GALNS: variants seen among roughly 807,000 people sequenced by gnomAD.
The protein encoded by GALNS is N-acetylgalactosamine-6-sulfatase.
In GALNS, 65 loss-of-function variants were observed where a neutral mutation model predicts 65.9. The observed-to-expected ratio is 0.99, with a 90% confidence interval of 0.81 to 1.21. The LOEUF (loss-of-function observed/expected upper bound fraction) is 1.21. GALNS is among the 50% of genes most tolerant of loss of function. The probability of loss-of-function intolerance (pLI) is 0.00; values close to 1 mark genes in which losing one functional copy is unlikely to be tolerated. For synonymous variants in GALNS, 346 were observed against 288.9 expected (o/e 1.20, Z -2.00); for missense variants, 776 against 700.7 (o/e 1.11, Z -1.21).
chr16:88,840,896 C>A, intron 4 of GALNS, 96 bp downstream of exon 4: 3 of 958,878 alleles, frequency 3.1e-6, no homozygotes, highest in African/African-American at 1.6e-5. Flanking sequence ...CCCAAGACAC[C>A]CTCCTCATTT....
At chr16:88,842,422 A>C in intron 2 of GALNS, 1 of 545,982 alleles carries the variant, frequency 1.8e-6, no homozygotes, top group Non-Finnish European at 3.3e-6. Context: ...ACACTGCAGC[A>C]CCTCTCCCCA....
intron 5 of GALNS, among the ~76,000 whole-genome samples, chr16:88,836,497 T>A (rs967041954): frequency 6.6e-6 from 1 of 151,976 alleles, no homozygotes; most frequent in Non-Finnish European, 1.5e-5. Context: ...CTACTAAAAA[T>A]ACAAAAATTA....
intron 13 of GALNS, chr16:88,816,399 G>T: frequency 1.0e-6 from 1 of 985,430 alleles, no homozygotes; most frequent in Non-Finnish European, 1.2e-6. Flanking sequence ...AGACTCAGGG[G>T]TCCTGAGACA....
At chr16:88,815,018 C>G in intron 13 of GALNS, 1 of 985,166 alleles carries the variant, frequency 1.0e-6, no homozygotes, top group Non-Finnish European at 1.2e-6. Context: ...TAGGCGTGAG[C>G]CACCGCGCTT....
intron 2 of GALNS, chr16:88,842,483 A>G: frequency 1.7e-6 from 1 of 604,896 alleles, no homozygotes; most frequent in Non-Finnish European, 2.9e-6. Flanking sequence ...CACCAACAAT[A>G]CCGCAACTTC....
chr16:88,834,186 G>C (rs533515603), intron 8 of GALNS, among the ~76,000 whole-genome samples: 12 of 152,262 alleles, frequency 7.9e-5, no homozygotes, highest in Non-Finnish European at 1.2e-4. Context: ...GGGACGTGGC[G>C]CGAGGGAGCC....
chr16:88,837,829 G>A (rs1912302013), intron 4 of GALNS, 64 bp from the exon 5 acceptor site: 1 of 1,552,158 alleles, frequency 6.4e-7, no homozygotes, highest in African/African-American at 1.4e-5. Flanking sequence ...GTTCTGAGCA[G>A]CAACAGATAC....
rs1257058740 is a variant in GALNS at position 88,817,511 on chromosome 16, C to T, written c.1482+496G>A. The T allele has an allele frequency of 9.1e-6, 9 of 985,260 alleles. No homozygotes were observed. In the African/African-American group the frequency reaches 1.0e-4, roughly 11 times the overall value. 61.0% of individuals were successfully genotyped at this position (985,260 alleles called of 1,614,324 possible). On this transcript the variant is annotated intron_variant, in intron 13 of 13. Coordinates refer to ENST00000268695, the MANE Select transcript of GALNS (RefSeq NM_000512.5). ...GAACCTCGCAGGTGGGCCCTGGGGC[C>T]GCCGCCACTCAACAGTGCCCACCAG...
chr16:88,816,629 T>G, intron 13 of GALNS: 3 of 984,072 alleles, frequency 3.0e-6, no homozygotes, highest in Non-Finnish European at 3.6e-6. Flanking sequence ...TCCATGGTCC[T>G]CACTGCTGGT....
At chr16:88,856,581 A>AC (rs113289677) in intron 1 of GALNS, 177 bp downstream of exon 1, 205,879 of 490,022 alleles carry the variant, frequency 0.42, 41,637 homozygotes, top group African/African-American at 0.66. Context: ...GCACGGGGAT[A>AC]CCCCCCGTCC....
intron 13 of GALNS, chr16:88,816,474 G>A (rs1218282814): frequency 3.0e-6 from 3 of 985,170 alleles, no homozygotes; most frequent in Non-Finnish European, 3.6e-6. Flanking sequence ...TCCCTTTGAA[G>A]GAAGGGCCCT....
intron 1 of GALNS, among the ~76,000 whole-genome samples, chr16:88,854,476 T>C (rs1967673838): frequency 6.6e-6 from 1 of 152,198 alleles, no homozygotes; most frequent in Non-Finnish European, 1.5e-5. Context: ...GAACCCCCTC[T>C]CTGCTGGGTC....
Position 88,821,303 on chromosome 16 carries a change from G to A in GALNS, c.1364+1286C>T, listed in dbSNP as rs78063151. Among the ~76,000 whole-genome samples, 1,075 of 150,852 alleles carry A rather than the reference G, an allele frequency of 7.1e-3. 13 individuals are homozygous for A. The highest frequency in any genetic ancestry group is 0.024 in the African/African-American group (977 of 40,880). On this transcript the variant is annotated intron_variant, in intron 12 of 13. Transcript: ENST00000268695. ...GCTGGTGGCGCTCTGTCCAGTCCCC[G>A]TCTCGTCCCGTGGCCTTCACCATGT...
intron 9 of GALNS, 61 bp from the exon 10 acceptor site, chr16:88,826,899 C>A (rs971187631): frequency 2.6e-6 from 4 of 1,545,864 alleles, no homozygotes; most frequent in Middle Eastern, 2.2e-4. Context: ...GGGCTGGGGG[C>A]CAATCCCTGG....
chr16:88,834,926 C>T (rs1010283612), intron 8 of GALNS, among the ~76,000 whole-genome samples: 2 of 152,208 alleles, frequency 1.3e-5, no homozygotes, highest in Non-Finnish European at 2.9e-5. Context: ...CCAAAGCCTC[C>T]GGCCTCCGGG....
intron 1 of GALNS, among the ~76,000 whole-genome samples, chr16:88,846,988 G>A (rs1967275216): frequency 6.6e-6 from 1 of 152,130 alleles, no homozygotes; most frequent in Non-Finnish European, 1.5e-5. Flanking sequence ...GTGGACACCT[G>A]TGGACACACC....
chr16:88,842,938 C>T (rs1967050027), intron 1 of GALNS, 109 bp from the exon 2 acceptor site: 1 of 1,542,102 alleles, frequency 6.5e-7, no homozygotes, highest in Admixed American at 1.9e-5. Context: ...GAAGCCAGCA[C>T]CACCCTGTGT....
In GALNS at chr16:88,822,633, CAG is replaced by C. The variant is rs778286877; in HGVS notation, c.1318_1319del (p.Leu440AspfsTer62). 3.7e-6 allele frequency: 6 copies of C among 1,613,106 alleles called. No homozygotes were observed. Among genetic ancestry groups the C allele is most frequent in the East Asian group, 2.2e-5 (1 of 44,854 alleles). Reference protein sequence around the residue: ...HNLEDHTKLPLIFHLGRDPGE... With the variant: ...HNLEDHTKLPXIFHLGRDPGE... ...CTGGGTCCCGTCCCAGGTGGAAGAT[CAG>C]GGGCAGCTTCGTGTGGTCTTCCAGA... On this transcript the variant is annotated frameshift_variant, in exon 12 of 14. Coordinates refer to ENST00000268695, the MANE Select transcript of GALNS (RefSeq NM_000512.5). LOFTEE classifies it high-confidence loss of function.
chr16:88,855,447 T>C (rs751228273), intron 1 of GALNS: 4 of 702,726 alleles, frequency 5.7e-6, no homozygotes, highest in African/African-American at 3.5e-5. Context: ...TGCCACTCAG[T>C]GCAGAGAAAG....
Sources: allele counts gnomAD v4.1 joint callset (sites outside exome capture counted in the v4.1 genomes callset), GRCh38; gene constraint gnomAD v4.1.1; transcripts MANE v1.5; gene names NCBI Gene and HGNC (gene_info 2026-07-23, HGNC 2026-07-21).